The following ZNF207 variants were observed in gnomAD, a reference collection of about 807,000 sequenced individuals.
ZNF207 encodes the protein BUB3-interacting and GLEBS motif-containing protein ZNF207.
Under a neutral mutation model 60.2 loss-of-function variants are expected in ZNF207, and 24 were observed. That is an observed-to-expected ratio of 0.40 (90% CI 0.29 to 0.56). The LOEUF (loss-of-function observed/expected upper bound fraction) is 0.56, where lower values mean the gene tolerates loss of function less well. Ranked by LOEUF, ZNF207 falls within the 20% of genes least tolerant of loss-of-function variation. ZNF207 has a pLI of 0.49. For synonymous variants in ZNF207, 236 were observed against 194.7 expected (o/e 1.21, Z -1.77); for missense variants, 452 against 636.6 (o/e 0.71, Z 3.12).
intron 9 of ZNF207, 63 bp from the exon 10 acceptor site, chr17:32,367,709 C>T (rs1057143286): frequency 3.8e-6 from 6 of 1,574,300 alleles, no homozygotes; most frequent in Non-Finnish European, 5.2e-6. Flanking sequence ...TTAAGTTAAA[C>T]TGTTGTAGAT....
chr17:32,350,705 T>G (rs1437712383), intron 1 of ZNF207, among the ~76,000 whole-genome samples: 1 of 152,190 alleles, frequency 6.6e-6, no homozygotes, highest in South Asian at 2.1e-4. Context: ...ATTACTTTCA[T>G]GGAGGGTTGG....
rs564084175 is a variant in ZNF207 at position 32,376,320 on chromosome 17, G to A, written c.*6561G>A. 1 of 151,738 alleles carries A rather than the reference G, an allele frequency of 6.6e-6. No individual in the cohort carries two copies. Among genetic ancestry groups the A allele is most frequent in the South Asian group, 2.1e-4 (1 of 4,806 alleles). The allele number at this position is 151,738 out of a possible 1,614,324, so 9.4% of individuals were successfully genotyped here. A position where few individuals can be genotyped will look rare whatever the true frequency, so the allele number is the denominator to read the frequency against. ...GCATTTTTGTTAGAAAATAGATTAC[G>A]TTTTAAAGTAACATTAAAAAAATTC... On this transcript the variant is annotated 3_prime_UTR_variant, in exon 12 of 12. Transcript: ENST00000394670.
At position 32,368,094 on chromosome 17, in the gene ZNF207, A is replaced by G; in HGVS notation, c.1164+80A>G. The G allele has an allele frequency of 3.2e-6, 5 of 1,564,002 alleles. No individual in the cohort carries two copies. The East Asian group carries it at 6.8e-5, about 21-fold the overall frequency. On this transcript the variant is annotated intron_variant, in intron 10 of 11. Coordinates refer to ENST00000394670, the MANE Select transcript of ZNF207 (RefSeq NM_001098507.2). ...GTTCGTCCCTTTAAAATAAGTGTTC[A>G]TTTGTACTCAGATGGTCTGTGATCT...
In ZNF207 at chr17:32,369,402, A is replaced by G. The variant is rs754003700; in HGVS notation, c.1272A>G (p.Pro424=). 13 of 1,614,038 alleles carry G rather than the reference A, an allele frequency of 8.1e-6. No homozygotes were observed. The highest frequency in any genetic ancestry group is 1.1e-5 in the Non-Finnish European group (13 of 1,180,040). ...PVGPIGGMMP[P]QPGIPQQQGM... is the part of the protein sequence containing the mutation. The stretch of plus-strand genomic sequence containing the variant: ...GACCAATTGGAGGTATGATGCCACC[A>G]CAGCCAGGCATCCCACAGCAACAAG... Residue 424 remains proline (P), a synonymous_variant, in exon 11 of 12, where the codon CCA becomes CCG. Coordinates refer to ENST00000394670, the MANE Select transcript of ZNF207 (RefSeq NM_001098507.2).
chr17:32,364,797 T>C (rs1186483150), intron 7 of ZNF207, among the ~76,000 whole-genome samples: 2 of 152,244 alleles, frequency 1.3e-5, no homozygotes, highest in African/African-American at 4.8e-5. Context: ...ATATACATTA[T>C]GTTGTGGTAC....
rs573939658 is a variant in ZNF207, at chr17:32,352,187, C to T, written c.168+275C>T. On this transcript the variant is annotated intron_variant, in intron 2 of 11. Coordinates refer to ENST00000394670, the MANE Select transcript of ZNF207 (RefSeq NM_001098507.2). ...GTTTCACCATGTTGGCCAGGCTGGT[C>T]TCGAACTCCTGACCTCAGGTGATCC... Among the ~76,000 whole-genome samples, 5 of 152,232 alleles carry T rather than the reference C, an allele frequency of 3.3e-5. No homozygotes were observed. In the South Asian group the frequency reaches 1.0e-3, roughly 32 times the overall value.
chr17:32,377,845 A>G lies in ZNF207; in HGVS notation c.*8086A>G, dbSNP rs1343507697. On this transcript the variant is annotated 3_prime_UTR_variant, in exon 12 of 12. Coordinates refer to ENST00000394670, the MANE Select transcript of ZNF207 (RefSeq NM_001098507.2). Reference sequence around the variant, plus strand: ...TAGTATCAGGCTCTGAGGAAATTTAATGCACATTGACTTTTTAAACTATGG... The same window carrying G: ...TAGTATCAGGCTCTGAGGAAATTTAGTGCACATTGACTTTTTAAACTATGG... 6.6e-6 allele frequency: 1 copy of G among 152,356 alleles called. No individual in the cohort carries two copies. The highest frequency in any genetic ancestry group is 6.6e-5 in the Admixed American group (1 of 15,252). 9.4% of individuals were successfully genotyped at this position (152,356 alleles called of 1,614,324 possible). A position where few individuals can be genotyped will look rare whatever the true frequency, so the allele number is the denominator to read the frequency against.
intron 5 of ZNF207, 82 bp downstream of exon 5, chr17:32,361,049 T>C: frequency 6.9e-7 from 1 of 1,445,470 alleles, no homozygotes; most frequent in South Asian, 1.2e-5. Flanking sequence ...GAATGAAATG[T>C]TACTTTCCAT....
At chr17:32,360,075 G>A (rs1286573950) in intron 3 of ZNF207, among the ~76,000 whole-genome samples, 2 of 151,068 alleles carry the variant, frequency 1.3e-5, no homozygotes, top group African/African-American at 2.4e-5. Flanking sequence ...GAATTAGCAA[G>A]TGTTAAGGCA....
chr17:32,366,765 G>A lies in ZNF207; in HGVS notation c.921+8G>A. On this transcript the variant is annotated splice_region_variant and intron_variant, in intron 9 of 11. Transcript: ENST00000394670. The stretch of plus-strand genomic sequence containing the variant: ...TTTCCTAGCACAGCACAAGTACGCA[G>A]GAAGTTGCAGTTTAAAATTGTTAAA... 1 of 1,589,400 alleles carries A rather than the reference G, an allele frequency of 6.3e-7. No individual in the cohort carries two copies. The highest frequency in any genetic ancestry group is 1.8e-5 in the Admixed American group (1 of 54,740).
intron 10 of ZNF207, chr17:32,368,244 C>A: frequency 3.6e-6 from 2 of 562,780 alleles, no homozygotes; most frequent in African/African-American, 1.9e-5. Flanking sequence ...CAGACTGTTT[C>A]TAAAAGAAGA....
intron 6 of ZNF207, chr17:32,362,665 A>G: frequency 2.6e-6 from 1 of 379,150 alleles, no homozygotes; most frequent in South Asian, 6.9e-5. Context: ...TTTGTTCTCA[A>G]ATGACTTTAA....
At position 32,378,465 on chromosome 17, in the gene ZNF207, T is replaced by C. The variant is rs1175774020; in HGVS notation, c.*8706T>C. Reference sequence around the variant, plus strand: ...GTTTTTATAATGCTTTTTTGTTCTTTTAGCAACACTTGTAAATACAAGTAC... The same window carrying C: ...GTTTTTATAATGCTTTTTTGTTCTTCTAGCAACACTTGTAAATACAAGTAC... On this transcript the variant is annotated 3_prime_UTR_variant, in exon 12 of 12. Transcript: ENST00000394670. 2.6e-5 allele frequency: 4 copies of C among 152,104 alleles called. No individual in the cohort carries two copies. The highest frequency in any genetic ancestry group is 9.7e-5 in the African/African-American group (4 of 41,450). The allele number at this position is 152,104 out of a possible 1,614,324, so 9.4% of individuals were successfully genotyped here.
rs1356221030 is a variant in ZNF207, at chr17:32,378,495, C to G, written c.*8736C>G. 1 of 151,986 alleles carries G rather than the reference C, an allele frequency of 6.6e-6. No individual in the cohort carries two copies. The highest frequency in any genetic ancestry group is 1.9e-4 in the East Asian group (1 of 5,200). The allele number at this position is 151,986 out of a possible 1,614,324, so 9.4% of individuals were successfully genotyped here. A position where few individuals can be genotyped will look rare whatever the true frequency, so the allele number is the denominator to read the frequency against. On this transcript the variant is annotated 3_prime_UTR_variant, in exon 12 of 12. Coordinates refer to ENST00000394670, the MANE Select transcript of ZNF207 (RefSeq NM_001098507.2). ...AACACTTGTAAATACAAGTACTCCT[C>G]TATTTTTGTTCTTTTTTTGTAAACT...
chr17:32,361,728 T>A (rs1356002243), intron 6 of ZNF207, among the ~76,000 whole-genome samples: 2 of 152,230 alleles, frequency 1.3e-5, no homozygotes, highest in Non-Finnish European at 2.9e-5. Context: ...ACTTCAAATG[T>A]GCAGTGATTT....
chr17:32,357,579 C>T (rs1355117273), intron 2 of ZNF207, among the ~76,000 whole-genome samples: 1 of 151,718 alleles, frequency 6.6e-6, no homozygotes, highest in Non-Finnish European at 1.5e-5. Context: ...GAACTCTTGA[C>T]CTCGTGATCC....
rs565422627 is a variant in ZNF207, at chr17:32,379,644, G to A, written c.*9885G>A. On this transcript the variant is annotated 3_prime_UTR_variant, in exon 12 of 12. Coordinates refer to ENST00000394670, the MANE Select transcript of ZNF207 (RefSeq NM_001098507.2). The stretch of plus-strand genomic sequence containing the variant: ...GGTGATTCATGAGCAGTAAGCTGGA[G>A]TTAGAGTGGAAGAAGGGTTTACCAA... 9 of 152,226 alleles carry A rather than the reference G, an allele frequency of 5.9e-5. No homozygotes were observed. In the South Asian group the frequency reaches 6.2e-4, roughly 11 times the overall value. 9.4% of individuals were successfully genotyped at this position (152,226 alleles called of 1,614,324 possible). A position where few individuals can be genotyped will look rare whatever the true frequency, so the allele number is the denominator to read the frequency against.
chr17:32,363,949 C>A (rs984973008), intron 7 of ZNF207, among the ~76,000 whole-genome samples: 7 of 151,986 alleles, frequency 4.6e-5, no homozygotes, highest in African/African-American at 1.7e-4. Context: ...CTCACCTTAG[C>A]TTTTTTTCCT....
In ZNF207 at chr17:32,372,392, A is replaced by G. The variant is rs1015794013; in HGVS notation, c.*2633A>G. 2 of 152,212 alleles carry G rather than the reference A, an allele frequency of 1.3e-5. No individual in the cohort carries two copies. The highest frequency in any genetic ancestry group is 4.8e-5 in the African/African-American group (2 of 41,458). 9.4% of individuals were successfully genotyped at this position (152,212 alleles called of 1,614,324 possible). A position where few individuals can be genotyped will look rare whatever the true frequency, so the allele number is the denominator to read the frequency against. ...AATTTCATGTATACGGTTATTGACA[A>G]ACTGCAATAGGGTTAGTAGACCTGT... On this transcript the variant is annotated 3_prime_UTR_variant, in exon 12 of 12. Transcript: ENST00000394670.
Sources: gnomAD v4.1 joint callset for allele counts (sites outside exome capture counted in the v4.1 genomes callset) on GRCh38, gnomAD v4.1.1 for gene constraint, MANE v1.5 for transcripts, NCBI Gene and HGNC (gene_info 2026-07-23, HGNC 2026-07-21) for gene names.